The following BANK1 variants were observed in gnomAD, a reference collection of about 807,000 sequenced individuals.
BANK1 encodes B cell scaffold protein with ankyrin repeats 1.
BANK1 carries 95 observed loss-of-function variants against 94.5 expected under a neutral mutation model. The ratio of observed to expected loss-of-function variants is 1.00; its 90% confidence interval spans 0.85 to 1.19. The LOEUF is 1.19. Among genes scored for constraint, BANK1 ranks in the 50% most tolerant of loss-of-function variants. BANK1 has a pLI of 0.00. For synonymous variants in BANK1, 334 were observed against 308.4 expected (o/e 1.08, Z -0.87); for missense variants, 987 against 932.2 (o/e 1.06, Z -0.77).
chr4:102,054,539 A>G (rs1299522846), intron 11 of BANK1, among the ~76,000 whole-genome samples: 1 of 152,094 alleles, frequency 6.6e-6, no homozygotes, highest in Non-Finnish European at 1.5e-5. Context: ...ATACAGACTG[A>G]AATGTGGACA....
At chr4:101,804,189 T>G (rs1725471111) in intron 1 of BANK1, among the ~76,000 whole-genome samples, 1 of 152,138 alleles carries the variant, frequency 6.6e-6, no homozygotes. Flanking sequence ...ATGTTGTTAT[T>G]CACATTTAAG....
rs1454508392 is a variant in BANK1, at chr4:101,870,606, C to T, written c.865C>T (p.Leu289=). The T allele has an allele frequency of 6.2e-7, 1 of 1,612,482 alleles. No individual in the cohort carries two copies. The highest frequency in any genetic ancestry group is 1.3e-5 in the African/African-American group (1 of 74,938). Residue 289 remains leucine, a synonymous_variant, in exon 5 of 17, where the codon CTA becomes TTA. Coordinates refer to ENST00000322953, the MANE Select transcript of BANK1 (RefSeq NM_017935.5). ...CCCAACAGCAAAGGCAAAGGAATGC[C>T]TATTCAGAATGGCAGATTCAGGAGA... ...YYPTAKAKEC[L]FRMADSGESL...
At chr4:101,832,415 CT>C (rs1269921569) in intron 2 of BANK1, among the ~76,000 whole-genome samples, 1 of 152,062 alleles carries the variant, frequency 6.6e-6, no homozygotes, top group African/African-American at 2.4e-5. Context: ...TCAGGGACTC[CT>C]TTTTTATGTA....
chr4:101,948,127 G>A (rs1173314239), intron 7 of BANK1, among the ~76,000 whole-genome samples: 1 of 152,008 alleles, frequency 6.6e-6, no homozygotes, highest in Non-Finnish European at 1.5e-5. Context: ...AGTGTACTTG[G>A]TTTTTAAGAA....
chr4:101,937,084 T>C (rs1280913702), intron 7 of BANK1, among the ~76,000 whole-genome samples: 1 of 151,480 alleles, frequency 6.6e-6, no homozygotes, highest in African/African-American at 2.4e-5. Context: ...ATAAAGAAAA[T>C]GGGGTATGTG....
intron 5 of BANK1, among the ~76,000 whole-genome samples, chr4:101,876,912 A>C (rs1487393632): frequency 6.6e-6 from 1 of 152,164 alleles, no homozygotes; most frequent in Non-Finnish European, 1.5e-5. Flanking sequence ...CATAATGAAG[A>C]ATGCCTCAGA....
At chr4:102,014,311 A>G (rs1046710555) in intron 7 of BANK1, among the ~76,000 whole-genome samples, 2 of 152,180 alleles carry the variant, frequency 1.3e-5, no homozygotes, top group Admixed American at 1.3e-4. Context: ...GCTCTTTGCC[A>G]TTTGCATATG....
intron 7 of BANK1, among the ~76,000 whole-genome samples, chr4:101,969,488 A>G (rs931144277): frequency 1.3e-5 from 2 of 152,146 alleles, no homozygotes; most frequent in African/African-American, 2.4e-5. Flanking sequence ...ACATAAACTA[A>G]GAAAAATTTT....
At chr4:101,849,316 T>C (rs567174394) in intron 2 of BANK1, among the ~76,000 whole-genome samples, 41 of 152,306 alleles carry the variant, frequency 2.7e-4, no homozygotes, top group South Asian at 6.2e-4. Context: ...CTGGATCTCA[T>C]GGAGACTGGA....
chr4:101,839,868 A>G (rs993126946), intron 2 of BANK1, among the ~76,000 whole-genome samples: 3 of 150,486 alleles, frequency 2.0e-5, no homozygotes, highest in African/African-American at 7.3e-5. Context: ...AACTAAGACA[A>G]AGGAGATATA....
intron 7 of BANK1, among the ~76,000 whole-genome samples, chr4:102,003,814 C>CAT (rs1334049055): frequency 3.3e-5 from 5 of 150,954 alleles, no homozygotes; most frequent in Non-Finnish European, 5.9e-5. Context: ...ATTTCACATG[C>CAT]ATATATATAT....
At chr4:101,946,925 A>G (rs1157693731) in intron 7 of BANK1, among the ~76,000 whole-genome samples, 1 of 151,840 alleles carries the variant, frequency 6.6e-6, no homozygotes, top group Non-Finnish European at 1.5e-5. Context: ...AAAGCAATGC[A>G]TTTTCTTTAT....
intron 5 of BANK1, among the ~76,000 whole-genome samples, chr4:101,880,895 A>G (rs1254254451): frequency 1.3e-5 from 2 of 152,048 alleles, no homozygotes; most frequent in African/African-American, 4.8e-5. Flanking sequence ...CTAGACCCAC[A>G]TTTCTCACCG....
intron 7 of BANK1, among the ~76,000 whole-genome samples, chr4:101,936,286 C>T (rs1300582595): frequency 6.7e-6 from 1 of 149,970 alleles, no homozygotes; most frequent in East Asian, 2.0e-4. Flanking sequence ...TATATGTACA[C>T]ATATATGCAC....
chr4:101,986,181 T>G (rs1041272961), intron 7 of BANK1, among the ~76,000 whole-genome samples: 1 of 152,106 alleles, frequency 6.6e-6, no homozygotes, highest in African/African-American at 2.4e-5. Context: ...CCAATAAATG[T>G]GCATATAAAG....
intron 4 of BANK1, among the ~76,000 whole-genome samples, chr4:101,865,914 A>G (rs1404559018): frequency 6.6e-6 from 1 of 152,200 alleles, no homozygotes; most frequent in Non-Finnish European, 1.5e-5. Context: ...TAAAGCTGCT[A>G]GCACTGATAG....
At chr4:101,914,965 G>T (rs553959523) in intron 6 of BANK1, among the ~76,000 whole-genome samples, 1 of 152,224 alleles carries the variant, frequency 6.6e-6, no homozygotes, top group East Asian at 1.9e-4. Context: ...GAAGGCATAT[G>T]GTTGCCTTGT....
intron 4 of BANK1, among the ~76,000 whole-genome samples, chr4:101,868,327 A>G (rs563202780): frequency 2.6e-5 from 4 of 152,170 alleles, no homozygotes; most frequent in African/African-American, 7.2e-5. Flanking sequence ...AAGTTGTACT[A>G]ATTTCAGAGA....
chr4:102,018,689 C>A (rs1726793234), intron 7 of BANK1, among the ~76,000 whole-genome samples: 1 of 152,132 alleles, frequency 6.6e-6, no homozygotes, highest in Admixed American at 6.5e-5. Flanking sequence ...GTCATTTAAT[C>A]TTAATCTTTC....
Sources: allele counts gnomAD v4.1 joint callset (sites outside exome capture counted in the v4.1 genomes callset), GRCh38; gene constraint gnomAD v4.1.1; transcripts MANE v1.5; gene names NCBI Gene and HGNC (gene_info 2026-07-23, HGNC 2026-07-21).